The following NXPE2 variants were observed in gnomAD, a reference collection of about 807,000 sequenced individuals.
NXPE2 encodes the protein neurexophilin and PC-esterase domain family member 2, also known as NXPE family member 2.
NXPE2 carries 34 observed loss-of-function variants against 34.4 expected under a neutral mutation model. The ratio of observed to expected loss-of-function variants is 0.99; its 90% CI spans 0.75 to 1.31. The LOEUF (loss-of-function observed/expected upper bound fraction) is 1.31, where lower values mean the gene tolerates loss of function less well. Among genes scored for constraint, NXPE2 ranks in the 40% most tolerant of loss-of-function variants. The pLI, the probability that NXPE2 is intolerant of heterozygous loss-of-function variation, is 0.00. For synonymous variants in NXPE2, 235 were observed against 231.3 expected, an observed-to-expected ratio of 1.02 and a Z score of -0.15; for missense variants, 649 against 672.5, an observed-to-expected ratio of 0.97 and a Z score of 0.39.
chr11:114,611,098 C>T, the NXPE2 span, among the ~76,000 whole-genome samples: 5 of 151,740 alleles, frequency 3.3e-5, no homozygotes, highest in African/African-American at 9.7e-5. Flanking sequence ...AGTGTTGCCT[C>T]GTGGGAAACC....
chr11:114,551,048 G>A, the NXPE2 span: 10 of 955,974 alleles, frequency 1.0e-5, no homozygotes, highest in Middle Eastern at 2.1e-4. Context: ...CTTGAGGCAC[G>A]TCACACAGGT....
chr11:114,569,192 T>A, the NXPE2 span, among the ~76,000 whole-genome samples: 6 of 152,270 alleles, frequency 3.9e-5, no homozygotes, highest in East Asian at 5.8e-4. Flanking sequence ...TGGGGCATGA[T>A]GAAGGGTACA....
the NXPE2 span, among the ~76,000 whole-genome samples, chr11:114,552,241 TAC>T: frequency 3.9e-5 from 6 of 152,196 alleles, no homozygotes; most frequent in African/African-American, 1.4e-4. Flanking sequence ...ACTTCCCAAT[TAC>T]TGAAGCGTGG....
At chr11:114,525,295 T>C in the NXPE2 span, among the ~76,000 whole-genome samples, 5 of 152,066 alleles carry the variant, frequency 3.3e-5, no homozygotes, top group Non-Finnish European at 5.9e-5. Context: ...TTATATTTTT[T>C]ATTAGATAGG....
the NXPE2 span, among the ~76,000 whole-genome samples, chr11:114,641,965 G>A: frequency 6.6e-6 from 1 of 151,930 alleles, no homozygotes. Context: ...TATTTTTGTG[G>A]TATATAACAA....
At chr11:114,636,860 T>G in the NXPE2 span, among the ~76,000 whole-genome samples, 7 of 152,194 alleles carry the variant, frequency 4.6e-5, no homozygotes, top group South Asian at 4.2e-4. Flanking sequence ...TTTTACATTT[T>G]CTGAGGAGAG....
chr11:114,670,833 C>A, the NXPE2 span, among the ~76,000 whole-genome samples: 2 of 151,238 alleles, frequency 1.3e-5, no homozygotes, highest in Non-Finnish European at 2.9e-5. Context: ...TGCAAAGAAA[C>A]AGGAGAGAAT....
At position 114,706,995 on chromosome 11, in the gene NXPE2, G is replaced by A. The variant is rs1365105052; in HGVS notation, c.*65G>A. ...TGATCTCACATATACAGCGAAGATA[G>A]TTTAATGCAATCCAAGTTTTGAGGA... is the stretch of plus-strand genomic sequence containing the variant. On this transcript the variant is annotated 3_prime_UTR_variant, in exon 6 of 6. Coordinates refer to ENST00000389586, the MANE Select transcript of NXPE2 (RefSeq NM_182495.6). The A allele has an allele frequency of 1.6e-6, 2 of 1,272,050 alleles. No individual in the cohort carries two copies. The allele number at this position is 1,272,050 out of a possible 1,614,324, so 78.8% of individuals were successfully genotyped here.
At chr11:114,733,480 A>G in the NXPE2 span, among the ~76,000 whole-genome samples, 1 of 152,178 alleles carries the variant, frequency 6.6e-6, no homozygotes, top group Non-Finnish European at 1.5e-5. Flanking sequence ...TCTTTGGGGA[A>G]GCAATCCTGC....
chr11:114,687,857 A>C (rs1336168716), intron 2 of NXPE2, among the ~76,000 whole-genome samples: 12 of 151,310 alleles, frequency 7.9e-5, no homozygotes, highest in Admixed American at 7.9e-4. Flanking sequence ...GTAGCTGTTT[A>C]CATAGGATTG....
the NXPE2 span, among the ~76,000 whole-genome samples, chr11:114,466,155 T>A: frequency 1.4e-3 from 208 of 152,348 alleles, 2 homozygotes; most frequent in African/African-American, 4.8e-3. Context: ...CTGACAGTTA[T>A]TGAATAAATT....
At chr11:114,789,530 A>G in the NXPE2 span, among the ~76,000 whole-genome samples, 12 of 152,224 alleles carry the variant, frequency 7.9e-5, no homozygotes, top group Non-Finnish European at 1.3e-4. Flanking sequence ...CTTTATAAAC[A>G]TCATCTCATT....
At chr11:114,539,176 C>T in the NXPE2 span, among the ~76,000 whole-genome samples, 1 of 151,626 alleles carries the variant, frequency 6.6e-6, no homozygotes, top group Admixed American at 6.6e-5. Context: ...AGCAAACTAT[C>T]ACAAGGACAA....
chr11:114,679,120 C>T (rs925465015), intron 1 of NXPE2, among the ~76,000 whole-genome samples: 5 of 152,002 alleles, frequency 3.3e-5, no homozygotes, highest in Middle Eastern at 6.8e-3. Flanking sequence ...TGTTTATCAA[C>T]TGCTTTGGCT....
At chr11:114,473,225 C>G in the NXPE2 span, among the ~76,000 whole-genome samples, 15 of 152,142 alleles carry the variant, frequency 9.9e-5, no homozygotes, top group African/African-American at 3.4e-4. Flanking sequence ...TTCTTGCCTC[C>G]TTGCTGAGAA....
chr11:114,745,150 T>TG, the NXPE2 span, among the ~76,000 whole-genome samples: 1 of 152,192 alleles, frequency 6.6e-6, no homozygotes, highest in Non-Finnish European at 1.5e-5. Flanking sequence ...CTTTAAGATC[T>TG]GTCTTAGTTT....
chr11:114,524,556 A>T, the NXPE2 span, among the ~76,000 whole-genome samples: 2 of 152,126 alleles, frequency 1.3e-5, no homozygotes, highest in East Asian at 1.9e-4. Context: ...ATTATGTTGG[A>T]ATTACAGTGT....
the NXPE2 span, among the ~76,000 whole-genome samples, chr11:114,521,198 C>T: frequency 6.6e-6 from 1 of 152,020 alleles, no homozygotes; most frequent in Non-Finnish European, 1.5e-5. Context: ...CATATATTTC[C>T]CTTTTGTTGC....
At chr11:114,483,206 A>G in the NXPE2 span, among the ~76,000 whole-genome samples, 1 of 152,326 alleles carries the variant, frequency 6.6e-6, no homozygotes, top group African/African-American at 2.4e-5. Flanking sequence ...CAGCTGACAT[A>G]TTTGAGCCAG....
Sources: allele counts gnomAD v4.1 joint callset (sites outside exome capture counted in the v4.1 genomes callset), GRCh38; gene constraint gnomAD v4.1.1; transcripts MANE v1.5; gene names NCBI Gene and HGNC (gene_info 2026-07-23, HGNC 2026-07-21).